Variants in ADCYAP1R1 observed in about 807,000 individuals in gnomAD.
The protein encoded by ADCYAP1R1 is ADCYAP receptor type I.
Under a neutral mutation model 67.6 loss-of-function variants are expected in ADCYAP1R1, and 44 were observed. The ratio of observed to expected loss-of-function variants is 0.65; its 90% confidence interval spans 0.51 to 0.84. The LOEUF is 0.84. ADCYAP1R1 is among the 40% of genes least tolerant of loss of function. The probability of loss-of-function intolerance (pLI) is 0.00; values close to 1 mark genes in which losing one functional copy is unlikely to be tolerated. For synonymous variants in ADCYAP1R1, 222 were observed against 219.6 expected (o/e 1.01, Z -0.10); for missense variants, 477 against 587.9 (o/e 0.81, Z 1.95).
chr7:31,091,242 C>A (rs1795949535), intron 12 of ADCYAP1R1, among the ~76,000 whole-genome samples: 1 of 152,146 alleles, frequency 6.6e-6, no homozygotes, highest in East Asian at 1.9e-4. Context: ...CCATTTATAT[C>A]TTTTGCCCAA....
chr7:31,078,764 G>A (rs903410729), intron 4 of ADCYAP1R1, among the ~76,000 whole-genome samples: 2 of 152,190 alleles, frequency 1.3e-5, no homozygotes, highest in African/African-American at 4.8e-5. Flanking sequence ...CTCAAGATGG[G>A]AGGAGCTGGA....
intron 13 of ADCYAP1R1, among the ~76,000 whole-genome samples, chr7:31,099,121 C>G (rs4723045): frequency 0.42 from 63,438 of 152,066 alleles, 15,954 homozygotes; most frequent in East Asian, 0.7. Context: ...CCTGAGACCT[C>G]CCTGAGGAGA....
chr7:31,109,389 A>G lies in ADCYAP1R1; in HGVS notation c.*2705A>G, dbSNP rs561486079. 1.3e-5 allele frequency: 2 copies of G among 152,398 alleles called. No individual in the cohort carries two copies. Among genetic ancestry groups the G allele is most frequent in the Non-Finnish European group, 1.5e-5 (1 of 68,080 alleles). 9.4% of individuals were successfully genotyped at this position (152,398 alleles called of 1,614,324 possible). A position where few individuals can be genotyped will look rare whatever the true frequency, so the allele number is the denominator to read the frequency against. On this transcript the variant is annotated 3_prime_UTR_variant, in exon 16 of 16. Transcript: ENST00000304166. ...TGGGCAATAAGACTAGATGATTTGT[A>G]TATAGCCCAATGCATCTCTGGAACT...
intron 3 of ADCYAP1R1, among the ~76,000 whole-genome samples, chr7:31,076,449 C>A (rs76663478): frequency 1.3e-5 from 2 of 152,264 alleles, no homozygotes; most frequent in East Asian, 3.9e-4. Flanking sequence ...AGCCGCTGGG[C>A]CCCCTAGACC....
rs1021248434 is a variant in ADCYAP1R1, at chr7:31,086,977, G to A, written c.858G>A (p.Thr286=). 2 of 1,614,084 alleles carry A rather than the reference G, an allele frequency of 1.2e-6. No homozygotes were observed. The highest frequency in any genetic ancestry group is 1.1e-5 in the South Asian group (1 of 91,086). ...CTGTGTGTGTGACAGTGTGGGCTACGCTGAGACTCTACTTTGATGACACAG... is the reference window on the plus strand; with the variant it reads ...CTGTGTGTGTGACAGTGTGGGCTACACTGAGACTCTACTTTGATGACACAG... The part of the protein sequence containing the change: ...TPTVCVTVWA[T]LRLYFDDTGC... The change falls in exon 11 of 16, where the codon ACG becomes ACA. Residue 286 remains threonine (T), a synonymous_variant. Transcript: ENST00000304166. The surrounding 1 kb of genome is among the most constrained non-coding windows in gnomAD (Gnocchi z 5.0).
intron 13 of ADCYAP1R1, among the ~76,000 whole-genome samples, chr7:31,094,497 G>C (rs776411148): frequency 6.6e-6 from 1 of 152,030 alleles, no homozygotes; most frequent in African/African-American, 2.4e-5. Context: ...CTCATCTCTC[G>C]TTTGAGCTCT....
chr7:31,086,782 A>G lies in ADCYAP1R1; in HGVS notation c.824-161A>G, dbSNP rs1795761512. ...CAAGACAGCCCTTGGTCTGAGGGAG[A>G]TATAGACCCTCAGGAGGCCTGGGTG... On this transcript the variant is annotated intron_variant, in intron 10 of 15. Transcript: ENST00000304166. The surrounding 1 kb of genome is among the most constrained non-coding windows in gnomAD (Gnocchi z 5.0). Among the ~76,000 whole-genome samples, 1 of 152,072 alleles carries G rather than the reference A, an allele frequency of 6.6e-6. No homozygotes were observed. The highest frequency in any genetic ancestry group is 2.1e-4 in the South Asian group (1 of 4,814).
chr7:31,102,962 G>C lies in ADCYAP1R1; in HGVS notation c.1047-275G>C, dbSNP rs189013173. Among the ~76,000 whole-genome samples, 8 of 152,302 alleles carry C rather than the reference G, an allele frequency of 5.3e-5. 1 individual carries two copies. Among genetic ancestry groups the C allele is most frequent in the African/African-American group, 1.9e-4 (8 of 41,558 alleles). On this transcript the variant is annotated intron_variant, in intron 13 of 15. Transcript: ENST00000304166. The surrounding 1 kb of genome is among the most constrained non-coding windows in gnomAD (Gnocchi z 4.3). ...TTTGCTTTTCCAGAAGGTTTTGCAC[G>C]TCACCCAAGGGGTCCCTGTAAATCG...
At chr7:31,065,221 G>A (rs970086581) in intron 3 of ADCYAP1R1, among the ~76,000 whole-genome samples, 1 of 152,188 alleles carries the variant, frequency 6.6e-6, no homozygotes, top group Admixed American at 6.5e-5. Context: ...GCTGGGCAGT[G>A]GCTGTCAAGA....
intron 13 of ADCYAP1R1, among the ~76,000 whole-genome samples, chr7:31,100,669 AC>A (rs1796400314): frequency 6.6e-6 from 1 of 151,948 alleles, no homozygotes; most frequent in South Asian, 2.1e-4. Flanking sequence ...CCCCACAACA[AC>A]TCTATGAGCT....
At chr7:31,105,181 G>A (rs113052293) in intron 15 of ADCYAP1R1, among the ~76,000 whole-genome samples, 11 of 152,326 alleles carry the variant, frequency 7.2e-5, no homozygotes, top group South Asian at 2.1e-4. Flanking sequence ...TAAAAGCGTC[G>A]GCTCTGCTGA....
At chr7:31,099,905 C>T (rs996751212) in intron 13 of ADCYAP1R1, among the ~76,000 whole-genome samples, 7 of 152,188 alleles carry the variant, frequency 4.6e-5, no homozygotes, top group African/African-American at 1.4e-4. Context: ...AGTGTTCGTG[C>T]GTGTGTGCGT....
At chr7:31,096,445 G>C (rs527352261) in intron 13 of ADCYAP1R1, among the ~76,000 whole-genome samples, 1 of 152,298 alleles carries the variant, frequency 6.6e-6, no homozygotes, top group East Asian at 1.9e-4. Context: ...CCCCTGCCAA[G>C]GAGCACCTGA....
At chr7:31,099,262 C>G (rs879725420) in intron 13 of ADCYAP1R1, among the ~76,000 whole-genome samples, 2 of 152,204 alleles carry the variant, frequency 1.3e-5, no homozygotes, top group Admixed American at 1.3e-4. Flanking sequence ...CAGCCCCTGC[C>G]CATTGAACTT....
In ADCYAP1R1 at chr7:31,100,210, T is replaced by C. The variant is rs1049065717; in HGVS notation, c.1047-3027T>C. 3.2e-6 allele frequency: 5 copies of C among 1,550,436 alleles called. No homozygotes were observed. In the Admixed American group the frequency reaches 5.9e-5, roughly 18 times the overall value. On this transcript the variant is annotated intron_variant, in intron 13 of 15. Coordinates refer to ENST00000304166, the MANE Select transcript of ADCYAP1R1 (RefSeq NM_001118.5). The stretch of plus-strand genomic sequence containing the variant: ...ATGTCAGAACTGTCCACCATTACTC[T>C]GTAAGTGTGCGTGGCCGAGGCTGTG...
intron 14 of ADCYAP1R1, among the ~76,000 whole-genome samples, chr7:31,104,369 C>T (rs2128641758): frequency 6.6e-6 from 1 of 152,316 alleles, no homozygotes; most frequent in African/African-American, 2.4e-5. Context: ...TAGCTAAGTG[C>T]ATACGCTGTG....
chr7:31,074,779 A>G (rs1795138260), intron 3 of ADCYAP1R1, among the ~76,000 whole-genome samples: 1 of 152,208 alleles, frequency 6.6e-6, no homozygotes, highest in Non-Finnish European at 1.5e-5. Context: ...ATTATTGATG[A>G]CTGGCCTACT....
At chr7:31,103,061 C>T (rs935467224) in intron 13 of ADCYAP1R1, among the ~76,000 whole-genome samples, 176 bp from the exon 14 acceptor site, 4 of 152,148 alleles carry the variant, frequency 2.6e-5, no homozygotes, top group African/African-American at 9.7e-5. Flanking sequence ...CCCACAATAT[C>T]CCAGAGTCCT....
At chr7:31,089,769 G>A (rs1795890375) in intron 12 of ADCYAP1R1, among the ~76,000 whole-genome samples, 1 of 152,182 alleles carries the variant, frequency 6.6e-6, no homozygotes. Flanking sequence ...TCTTATGGAG[G>A]ATAATGGAAG....
Sources: gnomAD v4.1 joint callset for allele counts (sites outside exome capture counted in the v4.1 genomes callset) on GRCh38, gnomAD v4.1.1 for gene constraint, Gnocchi (gnomAD v3.1) non-coding constraint, MANE v1.5 for transcripts, NCBI Gene and HGNC (gene_info 2026-07-23, HGNC 2026-07-21) for gene names.